ERBIN: variants seen among roughly 807,000 people sequenced by gnomAD.
ERBIN encodes the protein erbb2 interacting protein, also known as densin-180-like protein.
Under a neutral mutation model 158.4 loss-of-function variants are expected in ERBIN, and 60 were observed. The ratio of observed to expected loss-of-function variants is 0.38; its 90% confidence interval spans 0.31 to 0.47. The LOEUF (loss-of-function observed/expected upper bound fraction) is 0.47, where lower values mean the gene tolerates loss of function less well. Among genes scored for constraint, ERBIN ranks in the 20% least tolerant of loss-of-function variants. The probability of loss-of-function intolerance (pLI) is 0.99; values close to 1 mark genes in which losing one functional copy is unlikely to be tolerated. For missense variants in ERBIN, 1,610 were observed against 1,648.0 expected (o/e 0.98, Z 0.40); for synonymous variants, 594 against 557.2 (o/e 1.07, Z -0.93).
chr5:65,962,652 T>G (rs898660438), intron 1 of ERBIN, among the ~76,000 whole-genome samples: 8 of 152,178 alleles, frequency 5.3e-5, no homozygotes, highest in Non-Finnish European at 8.8e-5. Flanking sequence ...TTAGTAATTT[T>G]CATCAGGGCC....
chr5:66,014,807 C>G, intron 7 of ERBIN, 82 bp downstream of exon 7: 2 of 634,794 alleles, frequency 3.2e-6, no homozygotes, highest in Middle Eastern at 4.2e-4. Flanking sequence ...TTTTTATTAC[C>G]TAAAATGTGG....
chr5:66,012,614 T>C (rs1193822569), intron 5 of ERBIN, among the ~76,000 whole-genome samples: 2 of 152,358 alleles, frequency 1.3e-5, no homozygotes, highest in African/African-American at 2.4e-5. Flanking sequence ...CCATTTATGA[T>C]GGTGATGACT....
At position 66,038,502 on chromosome 5, in the gene ERBIN, T is replaced by C. The variant is rs200805023; in HGVS notation, c.1306+20T>C. 1 of 1,546,324 alleles carries C rather than the reference T, an allele frequency of 6.5e-7. No homozygotes were observed. The highest frequency in any genetic ancestry group is 2.3e-5 in the East Asian group (1 of 43,846). On this transcript the variant is annotated intron_variant, in intron 15 of 25. Transcript: ENST00000284037. ...AGGATGGTAGGAATTTCATAATCGA[T>C]TTTCTTGTTAAAAACAAATACTAAT...
At chr5:66,019,383 A>G (rs1454559877) in intron 7 of ERBIN, among the ~76,000 whole-genome samples, 1 of 152,244 alleles carries the variant, frequency 6.6e-6, no homozygotes, top group Non-Finnish European at 1.5e-5. Context: ...ACTGGAGGGC[A>G]CAGTACTAAG....
intron 1 of ERBIN, among the ~76,000 whole-genome samples, chr5:65,958,041 C>G: frequency 6.7e-6 from 1 of 149,674 alleles, no homozygotes; most frequent in East Asian, 2.0e-4. Context: ...GGCAGAGGCG[C>G]TCCCCACATC....
rs1762422961 is a variant in ERBIN at position 66,082,413 on chromosome 5, CT to C, written c.*3885del. On this transcript the variant is annotated 3_prime_UTR_variant, in exon 26 of 26. Transcript: ENST00000284037. ...ATCTGTCACGCATCTGCCCATCTAG[CT>C]TCTCAATCGGCCCACGGTTTTATTT... is the stretch of plus-strand genomic sequence containing the variant. 1 of 152,206 alleles carries C rather than the reference CT, an allele frequency of 6.6e-6. No homozygotes were observed. Among genetic ancestry groups the C allele is most frequent in the Non-Finnish European group, 1.5e-5 (1 of 68,034 alleles). The allele number at this position is 152,206 out of a possible 1,614,324, so 9.4% of individuals were successfully genotyped here.
chr5:66,050,927 C>A lies in ERBIN; in HGVS notation c.2048C>A (p.Pro683Gln). The A allele has an allele frequency of 6.2e-7, 1 of 1,604,866 alleles. No individual in the cohort carries two copies. The highest frequency in any genetic ancestry group is 2.2e-5 in the East Asian group (1 of 44,446). ...DSSQDTSLCS[P>Q]VKQTHIDINS... is the part of the protein sequence containing the mutation. The stretch of plus-strand genomic sequence containing the variant: ...AGTCAAGACACCTCACTCTGCTCTC[C>A]AGTGAAACAAACTCATATTGATATT... The change falls in exon 20 of 26, where the codon CCA becomes CAA. Residue 683 changes from proline (P) to glutamine (Q), a missense_variant. Physicochemically the swap from Pro to Gln is moderately conservative, Grantham distance 76. Around this residue, in one of 2 missense-constraint regions of ERBIN, gnomAD observed 1,014 missense variants for 936.1 expected, o/e 1.08. Transcript: ENST00000284037.
rs111331136 is a variant in ERBIN at position 66,056,772 on chromosome 5, C to T, written c.3633+1821C>T. Among the ~76,000 whole-genome samples the T allele has an allele frequency of 6.6e-3, 1,008 of 152,148 alleles. 9 individuals carry two copies. Among genetic ancestry groups the T allele is most frequent in the African/African-American group, 0.023 (951 of 41,510 alleles). The stretch of plus-strand genomic sequence containing the variant: ...TCAAGGATATCATACTTTGAAGTTA[C>T]GAGGGGTGCTTGTTCTCTCATCATT... On this transcript the variant is annotated intron_variant, in intron 21 of 25. Coordinates refer to ENST00000284037, the MANE Select transcript of ERBIN (RefSeq NM_001253697.2).
chr5:65,994,258 T>C (rs1752185340), intron 3 of ERBIN, among the ~76,000 whole-genome samples: 1 of 152,200 alleles, frequency 6.6e-6, no homozygotes. Context: ...AAAATTTGTC[T>C]CCTTCTCTAA....
chr5:66,021,620 A>G (rs569008338), intron 8 of ERBIN, among the ~76,000 whole-genome samples: 1 of 149,974 alleles, frequency 6.7e-6, no homozygotes, highest in South Asian at 2.1e-4. Context: ...TCCATGGAAG[A>G]GATACTAAAC....
chr5:65,943,819 A>G (rs1745377142), intron 1 of ERBIN, among the ~76,000 whole-genome samples: 1 of 152,200 alleles, frequency 6.6e-6, no homozygotes, highest in Non-Finnish European at 1.5e-5. Context: ...TTCATTTTGC[A>G]AAACTTTAAC....
At position 66,048,674 on chromosome 5, in the gene ERBIN, A is replaced by C. The variant is rs375586704; in HGVS notation, c.1796A>C (p.Glu599Ala). The change falls in exon 19 of 26, where the codon GAA becomes GCA. Residue 599 changes from glutamate to alanine, a missense_variant. Physicochemically the swap from Glu to Ala is moderately radical, Grantham distance 107. Transcript: ENST00000284037. ...TCACCCCCTTTTCACTAGGAATCTG[A>C]AGAACTTTCTTCTGATGAAGAGATG... ...VNHDDVFEES[E>A]ELSSDEEMKM... is the part of the protein sequence containing the mutation. 5 of 1,603,468 alleles carry C rather than the reference A, an allele frequency of 3.1e-6. No homozygotes were observed. The highest frequency in any genetic ancestry group is 1.3e-5 in the African/African-American group (1 of 74,532).
At chr5:66,005,974 G>A (rs548449875) in intron 4 of ERBIN, among the ~76,000 whole-genome samples, 1 of 152,218 alleles carries the variant, frequency 6.6e-6, no homozygotes, top group Non-Finnish European at 1.5e-5. Flanking sequence ...TACTGCCCAA[G>A]GTAATTTATA....
In ERBIN at chr5:66,047,582, T is replaced by C. The variant is rs187093558; in HGVS notation, c.1788+1044T>C. 1.4e-3 allele frequency among the ~76,000 whole-genome samples: 215 copies of C among 152,192 alleles called. 1 individual carries two copies. Among genetic ancestry groups the C allele is most frequent in the African/African-American group, 5.0e-3 (207 of 41,568 alleles). On this transcript the variant is annotated intron_variant, in intron 18 of 25. Coordinates refer to ENST00000284037, the MANE Select transcript of ERBIN (RefSeq NM_001253697.2). ...GAATATCTGAAGTGTTTCTGATTTA[T>C]AGCTGCATTGTTCACTGCAGTACAT... is the stretch of plus-strand genomic sequence containing the variant.
At chr5:66,026,190 T>A (rs2151154599) in intron 12 of ERBIN, 112 bp from the exon 13 acceptor site, 2 of 753,084 alleles carry the variant, frequency 2.7e-6, no homozygotes, top group East Asian at 6.1e-5. Context: ...CTAGTCATTA[T>A]TTCTTCTATA....
At chr5:65,940,516 T>G (rs918135410) in intron 1 of ERBIN, among the ~76,000 whole-genome samples, 5 of 42,288 alleles carry the variant, frequency 1.2e-4, no homozygotes, top group Admixed American at 3.4e-4. Context: ...GGGAGGGAGG[T>G]GGGGGGGGTC....
intron 14 of ERBIN, among the ~76,000 whole-genome samples, chr5:66,028,658 A>G (rs1756529443): frequency 6.6e-6 from 1 of 152,164 alleles, no homozygotes; most frequent in African/African-American, 2.4e-5. Flanking sequence ...TTATAGTGAG[A>G]ACACTTAAAG....
In ERBIN at chr5:66,053,969, A is replaced by G. The variant is rs747561237; in HGVS notation, c.2651A>G (p.Tyr884Cys). ...ATGGAGATTGGAGGGCTAAAAATCT[A>G]TGATATTCTTAGTGATAATGGACCT... ...TNMEIGGLKIYDILSDNGPQQ... is the reference protein window; with the variant it reads ...TNMEIGGLKICDILSDNGPQQ... The change falls in exon 21 of 26, where the codon TAT (tyrosine) becomes TGT (cysteine). Residue 884 changes from tyrosine to cysteine, a missense_variant. Tyr to Cys is a radical substitution (Grantham distance 194). Transcript: ENST00000284037. 9 of 1,614,018 alleles carry G rather than the reference A, an allele frequency of 5.6e-6. No individual in the cohort carries two copies. Among genetic ancestry groups the G allele is most frequent in the East Asian group, 2.2e-5 (1 of 44,886 alleles).
chr5:66,077,001 C>G (rs1580561511), intron 25 of ERBIN, 52 bp downstream of exon 25: 1 of 1,300,002 alleles, frequency 7.7e-7, no homozygotes, highest in East Asian at 2.4e-5. Context: ...CTAATGTTTT[C>G]ACAGTTTAAA....
Sources: gnomAD v4.1 joint callset for allele counts (sites outside exome capture counted in the v4.1 genomes callset) on GRCh38, gnomAD v4.1.1 for gene constraint, gnomAD v4.1.1 regional missense constraint, MANE v1.5 for transcripts, NCBI Gene and HGNC (gene_info 2026-07-23, HGNC 2026-07-21) for gene names.